EREG: variants seen among roughly 807,000 people sequenced by gnomAD.
The protein encoded by EREG is epiregulin, also known as proepiregulin.
In EREG, 23 loss-of-function variants were observed where a neutral mutation model predicts 22.4. The ratio of observed to expected loss-of-function variants is 1.03; its 90% CI spans 0.74 to 1.46. EREG has a LOEUF of 1.46. EREG is among the 40% of genes most tolerant of loss of function. The probability of loss-of-function intolerance (pLI) is 0.00; values close to 1 mark genes in which losing one functional copy is unlikely to be tolerated. For missense variants in EREG, 226 were observed against 205.9 expected (o/e 1.10, Z -0.60); for synonymous variants, 100 against 75.4 (o/e 1.33, Z -1.69).
chr4:74,371,024 C>A (rs1752280702), intron 1 of EREG, among the ~76,000 whole-genome samples: 1 of 152,082 alleles, frequency 6.6e-6, no homozygotes, highest in Admixed American at 6.6e-5. Flanking sequence ...CAACCCTGGT[C>A]TCTACCCACT....
At chr4:74,373,564 C>A (rs528117437) in intron 1 of EREG, among the ~76,000 whole-genome samples, 2 of 150,164 alleles carry the variant, frequency 1.3e-5, no homozygotes, top group East Asian at 3.9e-4. Context: ...AGAATTATTA[C>A]TGGCAGAAGG....
At position 74,388,019 on chromosome 4, in the gene EREG, G is replaced by A. The variant is rs893945011; in HGVS notation, c.*3211G>A. ...CTCTCTGCCGAAAGTCAAAGTGATGGGAGAATTGGTATACTGGTATGACTA... is the reference window on the plus strand; with the variant it reads ...CTCTCTGCCGAAAGTCAAAGTGATGAGAGAATTGGTATACTGGTATGACTA... On this transcript the variant is annotated 3_prime_UTR_variant, in exon 5 of 5. Coordinates refer to ENST00000244869, the MANE Select transcript of EREG (RefSeq NM_001432.3). 1.3e-5 allele frequency: 2 copies of A among 152,114 alleles called. No homozygotes were observed. The highest frequency in any genetic ancestry group is 2.4e-5 in the African/African-American group (1 of 41,412). 9.4% of individuals were successfully genotyped at this position (152,114 alleles called of 1,614,324 possible).
chr4:74,369,260 A>T (rs1031871612), intron 1 of EREG, among the ~76,000 whole-genome samples: 3 of 151,906 alleles, frequency 2.0e-5, no homozygotes, highest in Admixed American at 2.0e-4. Flanking sequence ...AGTAGTGTAC[A>T]TTGTACCTAA....
At chr4:74,378,530 C>T (rs551497789) in intron 1 of EREG, among the ~76,000 whole-genome samples, 2 of 152,254 alleles carry the variant, frequency 1.3e-5, no homozygotes, top group East Asian at 1.9e-4. Context: ...CAAGCTGAAG[C>T]CATTAATTAA....
intron 1 of EREG, among the ~76,000 whole-genome samples, chr4:74,376,812 CATTT>C: frequency 6.6e-6 from 1 of 152,216 alleles, no homozygotes; most frequent in East Asian, 1.9e-4. Flanking sequence ...TTAGACAAGA[CATTT>C]AATTTAAATA....
intron 1 of EREG, among the ~76,000 whole-genome samples, chr4:74,372,541 A>G (rs566308206): frequency 1.3e-5 from 2 of 152,334 alleles, no homozygotes; most frequent in African/African-American, 4.8e-5. Flanking sequence ...CCTTCAGGAG[A>G]TGTTTCTTTT....
chr4:74,387,659 C>T lies in EREG; in HGVS notation c.*2851C>T, dbSNP rs1005618218. On this transcript the variant is annotated 3_prime_UTR_variant, in exon 5 of 5. Transcript: ENST00000244869. ...TTGCTCTCAGCTGATGTGTCCTGTA[C>T]ACAGTGGGAAGATTTTAGTTCACAC... 6 of 152,120 alleles carry T rather than the reference C, an allele frequency of 3.9e-5. No homozygotes were observed. The highest frequency in any genetic ancestry group is 9.7e-5 in the African/African-American group (4 of 41,428). 9.4% of individuals were successfully genotyped at this position (152,120 alleles called of 1,614,324 possible).
Position 74,384,870 on chromosome 4 carries a change from T to G in EREG, c.*62T>G. 3.3e-6 allele frequency: 3 copies of G among 910,432 alleles called. No individual in the cohort carries two copies. Among genetic ancestry groups the G allele is most frequent in the Non-Finnish European group, 5.3e-6 (3 of 566,642 alleles). 56.4% of individuals were successfully genotyped at this position (910,432 alleles called of 1,614,324 possible). A position where few individuals can be genotyped will look rare whatever the true frequency, so the allele number is the denominator to read the frequency against. ...TGCCTGGTTAATATTAATATTCCCATTTTATTAATAATATTTATGTTGGGT... is the reference window on the plus strand; with the variant it reads ...TGCCTGGTTAATATTAATATTCCCAGTTTATTAATAATATTTATGTTGGGT... On this transcript the variant is annotated 3_prime_UTR_variant, in exon 5 of 5. Coordinates refer to ENST00000244869, the MANE Select transcript of EREG (RefSeq NM_001432.3).
rs184868879 is a variant in EREG at position 74,366,105 on chromosome 4, A to C, written c.67+730A>C. ...AGCCTGTGATCGCTGAGGGTATTTA[A>C]ATGCCAGTCTTCCTATTTGAGATGA... is the stretch of plus-strand genomic sequence containing the variant. On this transcript the variant is annotated intron_variant, in intron 1 of 4. Transcript: ENST00000244869. 1.8e-4 allele frequency among the ~76,000 whole-genome samples: 28 copies of C among 152,230 alleles called. No homozygotes were observed. The East Asian group carries it at 5.0e-3, about 27-fold the overall frequency.
intron 4 of EREG, among the ~76,000 whole-genome samples, chr4:74,384,129 G>A (rs1306235487): frequency 6.6e-6 from 1 of 152,096 alleles, no homozygotes; most frequent in Non-Finnish European, 1.5e-5. Context: ...ATGAATCCTA[G>A]CTATGAGACC....
chr4:74,365,785 A>C (rs1488095384), intron 1 of EREG, among the ~76,000 whole-genome samples: 5 of 151,976 alleles, frequency 3.3e-5, no homozygotes, highest in Non-Finnish European at 7.4e-5. Context: ...TAGCGTAAGA[A>C]ATTTTTTGGA....
rs1752577586 is a variant in EREG at position 74,386,849 on chromosome 4, T to C, written c.*2041T>C. On this transcript the variant is annotated 3_prime_UTR_variant, in exon 5 of 5. Coordinates refer to ENST00000244869, the MANE Select transcript of EREG (RefSeq NM_001432.3). ...CTCTGTTGCCCAGGTTGGAGTGCAG[T>C]GGCACGATCTCGGCTCACTGCAACC... 6.6e-6 allele frequency: 1 copy of C among 152,160 alleles called. No individual in the cohort carries two copies. Among genetic ancestry groups the C allele is most frequent in the Non-Finnish European group, 1.5e-5 (1 of 68,036 alleles). The allele number at this position is 152,160 out of a possible 1,614,324, so 9.4% of individuals were successfully genotyped here. A position where few individuals can be genotyped will look rare whatever the true frequency, so the allele number is the denominator to read the frequency against.
At chr4:74,373,380 A>G (rs913941731) in intron 1 of EREG, among the ~76,000 whole-genome samples, 3 of 151,998 alleles carry the variant, frequency 2.0e-5, no homozygotes, top group Non-Finnish European at 4.4e-5. Context: ...GCTACTTGTC[A>G]AGGAAGATTC....
At position 74,386,217 on chromosome 4, in the gene EREG, C is replaced by A. The variant is rs1026932957; in HGVS notation, c.*1409C>A. ...TGCTAAACCTTTGAGTAGAGTCTCC[C>A]TGGATCACATACCAGGTCAGGGAGG... On this transcript the variant is annotated 3_prime_UTR_variant, in exon 5 of 5. Transcript: ENST00000244869. The A allele has an allele frequency of 6.4e-5, 11 of 170,562 alleles. No homozygotes were observed. The highest frequency in any genetic ancestry group is 9.9e-5 in the Non-Finnish European group (8 of 80,594). 10.6% of individuals were successfully genotyped at this position (170,562 alleles called of 1,614,324 possible).
At chr4:74,379,620 A>T in intron 2 of EREG, 86 bp downstream of exon 2, 1 of 817,894 alleles carries the variant, frequency 1.2e-6, no homozygotes, top group Non-Finnish European at 2.1e-6. Context: ...GTATGTGATA[A>T]TTTTTTAAAA....
chr4:74,375,177 G>A (rs1752357946), intron 1 of EREG, among the ~76,000 whole-genome samples: 1 of 151,942 alleles, frequency 6.6e-6, no homozygotes, highest in Non-Finnish European at 1.5e-5. Context: ...TAGTATTTGA[G>A]GTCCAATCAT....
chr4:74,370,339 A>T (rs1262380450), intron 1 of EREG, among the ~76,000 whole-genome samples: 1 of 152,214 alleles, frequency 6.6e-6, no homozygotes. Context: ...ATTAAACACA[A>T]TTAATATTTG....
chr4:74,371,821 C>A (rs1473606228), intron 1 of EREG, among the ~76,000 whole-genome samples: 3 of 151,928 alleles, frequency 2.0e-5, no homozygotes, highest in Non-Finnish European at 2.9e-5. Context: ...TGCTGTCCTG[C>A]CTATGTCTCC....
intron 3 of EREG, 139 bp from the exon 4 acceptor site, chr4:74,382,506 T>G (rs1752496045): frequency 3.2e-6 from 2 of 626,410 alleles, no homozygotes; most frequent in East Asian, 2.7e-5. Context: ...ACTCAATCTT[T>G]GAAATCCTCT....
Sources: gnomAD v4.1 joint callset for allele counts (sites outside exome capture counted in the v4.1 genomes callset) on GRCh38, gnomAD v4.1.1 for gene constraint, MANE v1.5 for transcripts, NCBI Gene and HGNC (gene_info 2026-07-23, HGNC 2026-07-21) for gene names.